RALGAPA1: variants seen among roughly 807,000 people sequenced by gnomAD.
RALGAPA1 encodes the protein ral GTPase-activating protein subunit alpha-1.
In RALGAPA1, 52 loss-of-function variants were observed where a neutral mutation model predicts 269.6. The observed-to-expected ratio is 0.19, with a 90% confidence interval of 0.15 to 0.24. The LOEUF (loss-of-function observed/expected upper bound fraction) is 0.24. Among genes scored for constraint, RALGAPA1 ranks in the 10% least tolerant of loss-of-function variants. The pLI is 1.00. For missense variants in RALGAPA1, 1,917 were observed against 3,013.9 expected (o/e 0.64, Z 8.52); for synonymous variants, 817 against 1,008.3 (o/e 0.81, Z 3.60).
chr14:35,723,357 CA>C, intron 14 of RALGAPA1, 93 bp from the exon 15 acceptor site: 1 of 677,736 alleles, frequency 1.5e-6, no homozygotes, highest in Non-Finnish European at 2.5e-6. Flanking sequence ...TACTTAAAAA[CA>C]AGCAACATTT....
At chr14:35,574,921 GT>G (rs1250157031) in intron 37 of RALGAPA1, among the ~76,000 whole-genome samples, 1 of 151,990 alleles carries the variant, frequency 6.6e-6, no homozygotes, top group Non-Finnish European at 1.5e-5. Flanking sequence ...GAGGTCAGGA[GT>G]TTTGAGACTA....
chr14:35,553,918 A>C (rs768181108), intron 39 of RALGAPA1, among the ~76,000 whole-genome samples: 2 of 151,830 alleles, frequency 1.3e-5, no homozygotes, highest in Non-Finnish European at 2.9e-5. Context: ...TGAAATTCTT[A>C]ATTTAGTAAG....
At chr14:35,595,504 A>G in intron 37 of RALGAPA1, 130 bp downstream of exon 37, 1 of 764,456 alleles carries the variant, frequency 1.3e-6, no homozygotes, top group Non-Finnish European at 2.2e-6. Flanking sequence ...TTTTCAAGAC[A>G]GCACTGGGTG....
intron 31 of RALGAPA1, among the ~76,000 whole-genome samples, chr14:35,645,730 C>T (rs1274993705): frequency 1.1e-5 from 1 of 91,868 alleles, no homozygotes; most frequent in Non-Finnish European, 2.5e-5. Context: ...ACTCCATCTC[C>T]AAAAAAAAAA....
At chr14:35,635,042 G>A (rs1451925795) in intron 32 of RALGAPA1, among the ~76,000 whole-genome samples, 1 of 151,804 alleles carries the variant, frequency 6.6e-6, no homozygotes, top group Non-Finnish European at 1.5e-5. Flanking sequence ...GTGGTGGTGG[G>A]CGCCTGTTAT....
chr14:35,634,792 A>T (rs1316783650), intron 32 of RALGAPA1, 35 bp from the exon 33 acceptor site: 5 of 1,507,284 alleles, frequency 3.3e-6, no homozygotes, highest in Non-Finnish European at 4.4e-6. Flanking sequence ...AGTTTTACTT[A>T]AAAAATAAAT....
intron 33 of RALGAPA1, among the ~76,000 whole-genome samples, chr14:35,629,075 A>G (rs2061161591): frequency 1.3e-5 from 2 of 152,202 alleles, no homozygotes; most frequent in Non-Finnish European, 2.9e-5. Flanking sequence ...AATTTGTCAA[A>G]GCCAACTAGT....
At chr14:35,764,774 A>C (rs2074009856) in intron 4 of RALGAPA1, among the ~76,000 whole-genome samples, 1 of 151,262 alleles carries the variant, frequency 6.6e-6, no homozygotes, top group Admixed American at 6.6e-5. Context: ...CAAACTCTTG[A>C]GCTCAAGTGA....
chr14:35,778,719 A>G (rs1263724541), intron 1 of RALGAPA1, among the ~76,000 whole-genome samples: 2 of 152,256 alleles, frequency 1.3e-5, no homozygotes, highest in Non-Finnish European at 2.9e-5. Flanking sequence ...CAGGCAAAAT[A>G]GAACTGCCTC....
intron 15 of RALGAPA1, 83 bp downstream of exon 15, chr14:35,722,944 C>A: frequency 1.5e-6 from 1 of 685,422 alleles, no homozygotes. Flanking sequence ...TTATTTCACC[C>A]TCACCCCTCT....
chr14:35,684,095 C>A, intron 20 of RALGAPA1, 110 bp from the exon 21 acceptor site: 2 of 758,428 alleles, frequency 2.6e-6, no homozygotes, highest in Non-Finnish European at 4.3e-6. Context: ...TACATCTATT[C>A]TGTTTACATA....
At chr14:35,595,490 C>T (rs986072176) in intron 37 of RALGAPA1, 144 bp downstream of exon 37, 6 of 695,076 alleles carry the variant, frequency 8.6e-6, no homozygotes, top group Non-Finnish European at 1.5e-5. Flanking sequence ...GTACAACCAC[C>T]CTATTTTCAA....
chr14:35,667,907 A>T (rs1281059733), intron 26 of RALGAPA1, among the ~76,000 whole-genome samples: 2 of 152,234 alleles, frequency 1.3e-5, no homozygotes, highest in African/African-American at 4.8e-5. Context: ...CTCAACCTAC[A>T]TGCCCATCAA....
At chr14:35,656,163 T>C (rs1774936200) in intron 28 of RALGAPA1, among the ~76,000 whole-genome samples, 1 of 152,186 alleles carries the variant, frequency 6.6e-6, no homozygotes, top group Non-Finnish European at 1.5e-5. Context: ...CAACATGTTT[T>C]TTAAAAATCC....
chr14:35,759,911 C>CAAAA (rs34611097), intron 6 of RALGAPA1, among the ~76,000 whole-genome samples: 2 of 93,444 alleles, frequency 2.1e-5, no homozygotes, highest in Non-Finnish European at 5.0e-5. Context: ...GATTCTATCT[C>CAAAA]AAAAAAAAAA....
chr14:35,554,461 C>T (rs1241313552), intron 39 of RALGAPA1, among the ~76,000 whole-genome samples: 6 of 148,170 alleles, frequency 4.0e-5, no homozygotes, highest in African/African-American at 1.2e-4. Flanking sequence ...ATTCTCCTGC[C>T]TCAGCCTCCC....
At chr14:35,577,534 C>A (rs977634270) in intron 37 of RALGAPA1, among the ~76,000 whole-genome samples, 5 of 152,098 alleles carry the variant, frequency 3.3e-5, no homozygotes, top group South Asian at 2.1e-4. Context: ...TTCTCAGCCC[C>A]CAGAACTGTG....
rs1239768071 is a variant in RALGAPA1 at position 35,677,948 on chromosome 14, G to A, written c.4624+2C>T. Reference sequence around the variant, plus strand: ...GGTAAATATCTAATTTTGAAATATTGCCTAGATCATCTGGTGTCTGAAGAA... The same window carrying A: ...GGTAAATATCTAATTTTGAAATATTACCTAGATCATCTGGTGTCTGAAGAA... On this transcript the variant is annotated splice_donor_variant, in intron 22 of 41. Transcript: ENST00000680220. LOFTEE classifies it low-confidence loss of function (GC_TO_GT_DONOR). The A allele has an allele frequency of 6.2e-7, 1 of 1,612,546 alleles. No homozygotes were observed. Among genetic ancestry groups the A allele is most frequent in the African/African-American group, 1.3e-5 (1 of 74,802 alleles).
intron 37 of RALGAPA1, among the ~76,000 whole-genome samples, chr14:35,587,201 G>A (rs1456635798): frequency 1.3e-5 from 2 of 152,164 alleles, no homozygotes; most frequent in African/African-American, 4.8e-5. Flanking sequence ...GAGGGTGTAT[G>A]TGTCCAGGAA....
Sources: allele counts gnomAD v4.1 joint callset (sites outside exome capture counted in the v4.1 genomes callset), GRCh38; gene constraint gnomAD v4.1.1; transcripts MANE v1.5; gene names NCBI Gene and HGNC (gene_info 2026-07-23, HGNC 2026-07-21).